MGST1: variants seen among roughly 807,000 people sequenced by gnomAD.
The protein encoded by MGST1 is glutathione S-transferase 12.
MGST1 carries 5 observed loss-of-function variants against 8.9 expected under a neutral mutation model. The ratio of observed to expected loss-of-function variants is 0.56; its 90% CI spans 0.29 to 1.19. MGST1 has a LOEUF of 1.19. MGST1 is among the 50% of genes most tolerant of loss of function. MGST1 has a pLI of 0.08. For synonymous variants in MGST1, 54 were observed against 67.8 expected, an observed-to-expected ratio of 0.80 and a Z score of 1.00; for missense variants, 182 against 187.4, an observed-to-expected ratio of 0.97 and a Z score of 0.17.
At chr12:16,428,954 C>G (rs994203720) in intron 1 of MGST1, among the ~76,000 whole-genome samples, 2 of 151,782 alleles carry the variant, frequency 1.3e-5, no homozygotes, top group Middle Eastern at 6.8e-3. Flanking sequence ...TTTTTTGTTC[C>G]TTCTCAACTG....
At chr12:16,535,598 G>A (rs1233519139) in intron 4 of MGST1, among the ~76,000 whole-genome samples, 2 of 152,200 alleles carry the variant, frequency 1.3e-5, no homozygotes, top group African/African-American at 4.8e-5. Context: ...GTGGAACCAT[G>A]CAAACTGCCA....
chr12:16,357,255 GGTTT>G (rs1268877729), intron 2 of MGST1, among the ~76,000 whole-genome samples: 2 of 151,916 alleles, frequency 1.3e-5, no homozygotes, highest in South Asian at 4.2e-4. Context: ...GTTATTTCTT[GGTTT>G]GTTTGTTTTC....
intron 4 of MGST1, among the ~76,000 whole-genome samples, chr12:16,499,394 A>G (rs1358746842): frequency 1.3e-5 from 2 of 152,224 alleles, no homozygotes; most frequent in East Asian, 3.9e-4. Flanking sequence ...GGTCTAGAAC[A>G]TTTTACCAGC....
intron 4 of MGST1, among the ~76,000 whole-genome samples, chr12:16,502,638 A>G (rs1245635223): frequency 3.3e-5 from 5 of 152,314 alleles, no homozygotes; most frequent in Non-Finnish European, 7.3e-5. Flanking sequence ...AATTTTAAGT[A>G]CGTATCAAAA....
intron 1 of MGST1, chr12:16,400,822 T>G: frequency 8.1e-7 from 1 of 1,240,348 alleles, no homozygotes; most frequent in Non-Finnish European, 1.2e-6. Context: ...CAGTCTCATA[T>G]TTCTTATCGA....
At chr12:16,356,375 A>G (rs1215827806) in intron 2 of MGST1, among the ~76,000 whole-genome samples, 1 of 152,134 alleles carries the variant, frequency 6.6e-6, no homozygotes, top group East Asian at 1.9e-4. Flanking sequence ...TTAGGGGAGC[A>G]CTACGATGAA....
At chr12:16,368,832 A>G (rs182488465), downstream of MGST1, among the ~76,000 whole-genome samples, 4 of 152,290 alleles carry the variant, frequency 2.6e-5, no homozygotes, top group East Asian at 3.9e-4. Context: ...AGAGTAGACC[A>G]TTTAAGTTAT....
chr12:16,399,966 A>G (rs1940640422), intron 1 of MGST1: 2 of 1,351,342 alleles, frequency 1.5e-6, no homozygotes, highest in South Asian at 1.2e-5. Flanking sequence ...CCAGCGCACT[A>G]CTAGTGGGCT....
At chr12:16,473,493 T>C (rs1004299659) in intron 4 of MGST1, among the ~76,000 whole-genome samples, 1 of 152,210 alleles carries the variant, frequency 6.6e-6, no homozygotes, top group Non-Finnish European at 1.5e-5. Context: ...AGCATAACCA[T>C]ATACAACTGT....
chr12:16,464,631 C>T (rs144831029), intron 4 of MGST1, among the ~76,000 whole-genome samples: 24 of 152,322 alleles, frequency 1.6e-4, no homozygotes, highest in African/African-American at 5.8e-4. Flanking sequence ...AAGGTACTCA[C>T]CTATATTACT....
chr12:16,574,099 T>C (rs988008524), intron 4 of MGST1, among the ~76,000 whole-genome samples: 2 of 151,982 alleles, frequency 1.3e-5, no homozygotes, highest in Non-Finnish European at 2.9e-5. Flanking sequence ...AAAACCAACC[T>C]TCCTCCACCT....
chr12:16,470,968 T>C (rs765547766), intron 4 of MGST1, among the ~76,000 whole-genome samples: 2 of 152,238 alleles, frequency 1.3e-5, no homozygotes, highest in Non-Finnish European at 2.9e-5. Flanking sequence ...TTTTTACTTC[T>C]TTTAAGTACC....
intron 4 of MGST1, among the ~76,000 whole-genome samples, chr12:16,477,595 A>G (rs1247755253): frequency 6.6e-6 from 1 of 152,234 alleles, no homozygotes; most frequent in Non-Finnish European, 1.5e-5. Context: ...CTGTATTTGA[A>G]CAATGATATT....
intron 1 of MGST1, among the ~76,000 whole-genome samples, chr12:16,421,251 A>G (rs561082129): frequency 5.3e-5 from 8 of 152,234 alleles, no homozygotes; most frequent in African/African-American, 1.9e-4. Context: ...ATCTCCCCCT[A>G]CTGATCAAAA....
intron 1 of MGST1, among the ~76,000 whole-genome samples, chr12:16,414,539 C>T (rs1029180716): frequency 9.2e-5 from 14 of 151,790 alleles, no homozygotes; most frequent in Non-Finnish European, 1.8e-4. Flanking sequence ...CCTCAGCCTC[C>T]CAAGTAGCTG....
rs151043095 is a variant in MGST1, at chr12:16,393,278, A to G, written n.778+9674A>G. 9.1e-4 allele frequency among the ~76,000 whole-genome samples: 139 copies of G among 152,322 alleles called. No individual in the cohort carries two copies. The Middle Eastern group carries it at 0.01, about 11-fold the overall frequency. The stretch of plus-strand genomic sequence containing the variant: ...AGTGGTAGGAGAGTTTTCCCCAAAA[A>G]TGTCAAGAATAGAGAAACCTACCCT... On this transcript the variant is annotated intron_variant and non_coding_transcript_variant, in intron 1 of 1. Coordinates refer to the MGST1 transcript ENST00000359720.
chr12:16,392,510 A>T (rs1350024931), intron 1 of MGST1, among the ~76,000 whole-genome samples: 1 of 152,232 alleles, frequency 6.6e-6, no homozygotes, highest in East Asian at 1.9e-4. Flanking sequence ...GTAGTTCCAT[A>T]CATTTCAGTT....
intron 4 of MGST1, among the ~76,000 whole-genome samples, chr12:16,496,118 C>T (rs189988378): frequency 3.9e-5 from 6 of 152,218 alleles, no homozygotes; most frequent in African/African-American, 1.4e-4. Context: ...AATATATACT[C>T]ACGTCCAGCC....
chr12:16,430,430 G>A (rs1940927522), intron 1 of MGST1, among the ~76,000 whole-genome samples: 2 of 152,130 alleles, frequency 1.3e-5, no homozygotes, highest in Admixed American at 1.3e-4. Flanking sequence ...AACTATTGCA[G>A]CCATAGCCTC....
Sources: gnomAD v4.1 joint callset for allele counts (sites outside exome capture counted in the v4.1 genomes callset) on GRCh38, gnomAD v4.1.1 for gene constraint, MANE v1.5 for transcripts, NCBI Gene and HGNC (gene_info 2026-07-23, HGNC 2026-07-21) for gene names.